Variants in KIF3A observed in about 807,000 individuals in gnomAD.
KIF3A encodes the protein kinesin-like protein KIF3A.
A neutral mutation model predicts 92.6 loss-of-function variants in KIF3A; 27 were observed. The ratio of observed to expected loss-of-function variants is 0.29; its 90% confidence interval spans 0.21 to 0.40. The LOEUF is 0.40. KIF3A is among the 10% of genes least tolerant of loss of function. KIF3A has a pLI of 1.00. For synonymous variants in KIF3A, 250 were observed against 275.4 expected (o/e 0.91, Z 0.92); for missense variants, 581 against 872.6 (o/e 0.67, Z 4.21).
intron 4 of KIF3A, among the ~76,000 whole-genome samples, chr5:132,721,098 C>A (rs551263581): frequency 5.3e-5 from 8 of 152,048 alleles, no homozygotes; most frequent in African/African-American, 1.9e-4. Flanking sequence ...AAACTAGGCA[C>A]TTACAAAAAA....
chr5:132,697,110 C>T (rs1374764496), intron 18 of KIF3A, among the ~76,000 whole-genome samples: 1 of 152,158 alleles, frequency 6.6e-6, no homozygotes, highest in African/African-American at 2.4e-5. Flanking sequence ...TATGGAAATG[C>T]TACATTAATG....
At chr5:132,731,713 A>ATT (rs57057488) in intron 2 of KIF3A, among the ~76,000 whole-genome samples, 5 of 143,118 alleles carry the variant, frequency 3.5e-5, no homozygotes, top group African/African-American at 7.7e-5. Flanking sequence ...TGCAAACAAC[A>ATT]TTTTTTTTTT....
intron 18 of KIF3A, chr5:132,697,993 C>T (rs1752895908): frequency 6.6e-6 from 1 of 152,204 alleles, no homozygotes; most frequent in Admixed American, 6.5e-5. Context: ...ATTTGCTTCA[C>T]TACAATATGC....
intron 18 of KIF3A, among the ~76,000 whole-genome samples, chr5:132,698,585 A>T (rs904854043): frequency 2.0e-5 from 3 of 152,248 alleles, no homozygotes; most frequent in African/African-American, 7.2e-5. Context: ...TAGTCTAAGA[A>T]TTAAGGAATT....
chr5:132,713,151 G>A (rs1359958102), intron 8 of KIF3A, among the ~76,000 whole-genome samples: 1 of 151,816 alleles, frequency 6.6e-6, no homozygotes, highest in African/African-American at 2.4e-5. Flanking sequence ...GCGAGACTCT[G>A]TCTCAAAACA....
downstream of KIF3A, among the ~76,000 whole-genome samples, chr5:132,691,949 ATAAAATAAAATT>A (rs1248289462): frequency 2.0e-5 from 3 of 150,088 alleles, no homozygotes; most frequent in Admixed American, 2.0e-4. Context: ...ATAAAATAAA[ATAAAATAAAATT>A]TAAAATAAAA....
At chr5:132,735,264 G>A (rs1452461175) in intron 1 of KIF3A, among the ~76,000 whole-genome samples, 3 of 152,024 alleles carry the variant, frequency 2.0e-5, no homozygotes, top group Non-Finnish European at 1.5e-5. Context: ...TAGTAGAGAC[G>A]GAATTTCATC....
At chr5:132,704,012 T>C (rs986631242) in intron 11 of KIF3A, among the ~76,000 whole-genome samples, 55 of 151,638 alleles carry the variant, frequency 3.6e-4, no homozygotes, top group Non-Finnish European at 1.0e-4. Flanking sequence ...GATAACCAAG[T>C]ATAAAATCAA....
At position 132,696,692 on chromosome 5, in the gene KIF3A, G is replaced by A; in HGVS notation, c.2133-10C>T. 1 of 1,604,010 alleles carries A rather than the reference G, an allele frequency of 6.2e-7. No individual in the cohort carries two copies. Among genetic ancestry groups the A allele is most frequent in the Non-Finnish European group, 8.5e-7 (1 of 1,171,442 alleles). ...CTTTGCAGAACGCTTTCTGTTTGGAGAAGAAAAAAAGCAATCATGAATGCT... is the reference window on the plus strand; with the variant it reads ...CTTTGCAGAACGCTTTCTGTTTGGAAAAGAAAAAAAGCAATCATGAATGCT... On this transcript the variant is annotated splice_polypyrimidine_tract_variant and intron_variant, in intron 18 of 18. Transcript: ENST00000403231.
intron 6 of KIF3A, among the ~76,000 whole-genome samples, 156 bp from the exon 7 acceptor site, chr5:132,716,598 G>C (rs1030070160): frequency 6.6e-6 from 1 of 152,162 alleles, no homozygotes; most frequent in Non-Finnish European, 1.5e-5. Flanking sequence ...GTGGGGGAGA[G>C]TACATGAAAC....
intron 4 of KIF3A, among the ~76,000 whole-genome samples, chr5:132,721,769 G>T (rs1180041879): frequency 6.6e-6 from 1 of 151,850 alleles, no homozygotes; most frequent in African/African-American, 2.4e-5. Flanking sequence ...TTCAGACCTT[G>T]CTCTGAAAAG....
intron 4 of KIF3A, among the ~76,000 whole-genome samples, chr5:132,724,807 ATATATATAT>A (rs1163087202): frequency 1.0e-3 from 31 of 30,100 alleles, no homozygotes; most frequent in African/African-American, 3.1e-3. Flanking sequence ...AAAAAAAAAA[ATATATATAT>A]ATATATATAT....
intron 15 of KIF3A, among the ~76,000 whole-genome samples, 163 bp downstream of exon 15, chr5:132,701,924 A>G (rs1581065260): frequency 6.6e-6 from 1 of 152,372 alleles, no homozygotes; most frequent in Non-Finnish European, 1.5e-5. Flanking sequence ...AACAGAGATT[A>G]TGTATTAAAA....
At chr5:132,705,500 A>G (rs1581069506) in intron 11 of KIF3A, among the ~76,000 whole-genome samples, 2 of 152,148 alleles carry the variant, frequency 1.3e-5, no homozygotes, top group South Asian at 4.1e-4. Context: ...AGTAAAATAA[A>G]AAGTTTTTTA....
chr5:132,717,497 T>A (rs1341833376), intron 5 of KIF3A, among the ~76,000 whole-genome samples: 1 of 151,996 alleles, frequency 6.6e-6, no homozygotes, highest in Non-Finnish European at 1.5e-5. Flanking sequence ...CTTGCACACA[T>A]ATGTTAGACA....
chr5:132,706,575 ATTCAT>A, intron 10 of KIF3A, 116 bp from the exon 11 acceptor site: 2 of 729,408 alleles, frequency 2.7e-6, no homozygotes, highest in Non-Finnish European at 4.2e-6. Context: ...ATATAATAGC[ATTCAT>A]TTAAGTGTAG....
At position 132,703,502 on chromosome 5, in the gene KIF3A, G is replaced by C. The variant is rs978481023; in HGVS notation, c.1427C>G (p.Ala476Gly). The C allele has an allele frequency of 2.5e-6, 4 of 1,612,042 alleles. No homozygotes were observed. Among genetic ancestry groups the C allele is most frequent in the East Asian group, 2.2e-5 (1 of 44,754 alleles). ...MEEEERNKAR[A>G]ELEKREKDLL... ...ATCTTTTTCCCGTTTCTCTAATTCA[G>C]CTCTAGCCTTGTTTCTTTCTTCTTC... The change falls in exon 12 of 19, where the codon GCT (alanine) becomes GGT (glycine). Residue 476 changes from alanine (A) to glycine (G), a missense_variant. By Grantham distance (60) the Ala-to-Gly change is moderately conservative. Around this residue, in one of 5 missense-constraint regions of KIF3A, gnomAD observed 167 missense variants for 205.8 expected, o/e 0.81. Coordinates refer to ENST00000403231, the MANE Select transcript of KIF3A (RefSeq NM_001300791.2).
Position 132,716,317 on chromosome 5 carries a change from A to G in KIF3A, c.882T>C (p.His294=), listed in dbSNP as rs778071883. ...TCAGTTTAGAGTTACGATAAGGCACATGAGTGCTTTTTCCATCAACCAAGG... is the reference window on the plus strand; with the variant it reads ...TCAGTTTAGAGTTACGATAAGGCACGTGAGTGCTTTTTCCATCAACCAAGG... The part of the protein sequence containing the change: ...ISALVDGKST[H]VPYRNSKLTR... Residue 294 remains histidine, a synonymous_variant, in exon 7 of 19, where the codon CAT becomes CAC. Transcript: ENST00000403231. 1 of 1,613,994 alleles carries G rather than the reference A, an allele frequency of 6.2e-7. No homozygotes were observed. Among genetic ancestry groups the G allele is most frequent in the Non-Finnish European group, 8.5e-7 (1 of 1,179,876 alleles).
chr5:132,724,797 AAAAAAAAAAAT>A (rs1753949992), intron 4 of KIF3A, among the ~76,000 whole-genome samples: 1 of 33,814 alleles, frequency 3.0e-5, no homozygotes, highest in African/African-American at 1.3e-4. Context: ...TATAATAAAA[AAAAAAAAAAAT>A]ATATATATAT....
Sources: allele counts gnomAD v4.1 joint callset (sites outside exome capture counted in the v4.1 genomes callset), GRCh38; gene constraint gnomAD v4.1.1; regional missense constraint gnomAD v4.1.1; transcripts MANE v1.5; gene names NCBI Gene and HGNC (gene_info 2026-07-23, HGNC 2026-07-21).